RECQL4: variants seen among roughly 807,000 people sequenced by gnomAD.
RECQL4 encodes ATP-dependent DNA helicase Q4.
In RECQL4, 158 loss-of-function variants were observed where a neutral mutation model predicts 128.6. That is an observed-to-expected ratio of 1.23 (90% CI 1.08 to 1.40). The LOEUF (loss-of-function observed/expected upper bound fraction) is 1.40, where lower values mean the gene tolerates loss of function less well. Ranked by LOEUF, RECQL4 falls within the 40% of genes most tolerant of loss-of-function variation. The pLI is 0.00. For missense variants in RECQL4, 2,293 were observed against 1,649.8 expected (o/e 1.39, Z -6.75); for synonymous variants, 996 against 678.9 (o/e 1.47, Z -7.26).
chr8:144,516,186 G>T lies in RECQL4; in HGVS notation c.933C>A (p.Cys311Ter). ...EPVQAQPPQPCSSPSNPRYHG... is the reference protein window; with the variant it reads ...EPVQAQPPQP ...GGTACCTGGGGTTCGATGGGCTGCT[G>T]CAGGGCTGAGGTGGCTGTGCCTGTA... is the stretch of plus-strand genomic sequence containing the variant. The change falls in exon 5 of 21, where the codon TGC becomes TGA. Residue 311 changes from cysteine (C) to a stop codon, truncating the protein, a stop_gained. Transcript: ENST00000617875. LOFTEE classifies it high-confidence loss of function. 6.2e-7 allele frequency: 1 copy of T among 1,613,462 alleles called. No homozygotes were observed. The highest frequency in any genetic ancestry group is 1.1e-5 in the South Asian group (1 of 91,086).
chr8:144,515,100 G>C (rs1172048787), intron 8 of RECQL4, 28 bp from the exon 9 acceptor site: 4 of 1,590,364 alleles, frequency 2.5e-6, no homozygotes, highest in Non-Finnish European at 3.4e-6. Context: ...CAGCAGCAGG[G>C]TTCTGCAGCC....
intron 17 of RECQL4, 30 bp from the exon 18 acceptor site, chr8:144,512,354 G>C (rs1200498202): frequency 1.2e-6 from 2 of 1,611,030 alleles, no homozygotes; most frequent in Non-Finnish European, 8.5e-7. Flanking sequence ...ATGCAGGCAG[G>C]CAGCGTCCAG....
chr8:144,511,582 G>GAGCCCC lies in RECQL4; in HGVS notation c.3503-33_3503-28dup, dbSNP rs763836396. ...TACGGTGGAGCCAAGACACAGCCGT[G>GAGCCCC]AGCCCCAGCCCCAGCCTGCAGCGGG... On this transcript the variant is annotated intron_variant, in intron 20 of 20. Transcript: ENST00000617875. 1.9e-5 allele frequency: 30 copies of GAGCCCC among 1,609,372 alleles called. No homozygotes were observed. The Admixed American group carries it at 2.2e-4, about 12-fold the overall frequency.
chr8:144,511,946 C>T lies in RECQL4; in HGVS notation c.3358G>A (p.Glu1120Lys), dbSNP rs776023102. The T allele has an allele frequency of 6.6e-5, 106 of 1,611,410 alleles. No homozygotes were observed. Among genetic ancestry groups the T allele is most frequent in the Non-Finnish European group, 8.6e-5 (101 of 1,179,810 alleles). ...EEEGQEPGGM[E>K]DAQGPEPGQA... ...CCTGGCTCGGGGCCCTGTGCGTCCT[C>T]CATGCCTCCCGGCTCCTGCCCTTCC... The change falls in exon 19 of 21, where the codon GAG becomes AAG. Residue 1120 changes from glutamate (E) to lysine (K), a missense_variant. Physicochemically the swap from Glu to Lys is moderately conservative, Grantham distance 56. Coordinates refer to ENST00000617875, the MANE Select transcript of RECQL4 (RefSeq NM_004260.4).
At position 144,517,790 on chromosome 8, in the gene RECQL4, G is replaced by T. The variant is rs35827852; in HGVS notation, c.-6C>A. On this transcript the variant is annotated 5_prime_UTR_variant, in exon 1 of 21. Transcript: ENST00000617875. ...ACGTCCCGCAGCCGCTCCATGGCGC[G>T]CGCGCCCGCCCGGCCTCCGCGCTTG... 2.5e-6 allele frequency: 3 copies of T among 1,224,280 alleles called. 1 individual carries two copies. The highest frequency in any genetic ancestry group is 2.0e-6 in the Non-Finnish European group (2 of 978,006). 75.8% of individuals were successfully genotyped at this position (1,224,280 alleles called of 1,614,324 possible).
intron 4 of RECQL4, 88 bp downstream of exon 4, chr8:144,516,940 GGTTGGCACAGGGGCCCGTGCCT>G: frequency 1.4e-6 from 2 of 1,474,210 alleles, no homozygotes; most frequent in Non-Finnish European, 9.1e-7. Flanking sequence ...CTCGTGCCCT[GGTTGGCACAGGGGCCCGTGCCT>G]GTCTGTGTGG....
Position 144,512,338 on chromosome 8 carries a change from T to C in RECQL4, c.3056-14A>G, listed in dbSNP as rs948348185. 33 of 1,611,558 alleles carry C rather than the reference T, an allele frequency of 2.0e-5. No individual in the cohort carries two copies. The South Asian group carries it at 3.3e-4, about 16-fold the overall frequency. Reference sequence around the variant, plus strand: ...CACGCCGCACACCTGCCGGAAAGCATGTCAGATGCAGGCAGGCAGCGTCCA... The same window carrying C: ...CACGCCGCACACCTGCCGGAAAGCACGTCAGATGCAGGCAGGCAGCGTCCA... On this transcript the variant is annotated splice_polypyrimidine_tract_variant and intron_variant, in intron 17 of 20. Coordinates refer to ENST00000617875, the MANE Select transcript of RECQL4 (RefSeq NM_004260.4).
In RECQL4 at chr8:144,515,001, A is replaced by G. The variant is rs1261972799; in HGVS notation, c.1555T>C (p.Tyr519His). Residue 519 changes from tyrosine to histidine, a missense_variant, in exon 9 of 21, where the codon TAC becomes CAC. Tyr to His is a moderately conservative substitution (Grantham distance 83). Coordinates refer to ENST00000617875, the MANE Select transcript of RECQL4 (RefSeq NM_004260.4). ...GTGAGGCAGGGGCTGCGCCGGCTGT[A>G]GAGCAGCGCTGGGAGCTGGTAGCAC... ...SLCYQLPALL[Y>H]SRRSPCLTLV... is the part of the protein sequence containing the mutation. 1 of 1,611,396 alleles carries G rather than the reference A, an allele frequency of 6.2e-7. No homozygotes were observed. Among genetic ancestry groups the G allele is most frequent in the South Asian group, 1.1e-5 (1 of 90,846 alleles).
rs185203465 is a variant in RECQL4, at chr8:144,514,120, C to T, written c.1879-13G>A. The T allele has an allele frequency of 1.2e-5, 20 of 1,608,514 alleles. No homozygotes were observed. Among genetic ancestry groups the T allele is most frequent in the Admixed American group, 1.0e-4 (6 of 59,468 alleles). ...GCTCCCGAAGCACCTGCACCAGAGG[C>T]GGCAGTGGTGTGAGGCCGCCCAGCC... On this transcript the variant is annotated splice_polypyrimidine_tract_variant and intron_variant, in intron 11 of 20. Transcript: ENST00000617875.
At position 144,517,619 on chromosome 8, in the gene RECQL4, G is replaced by T; in HGVS notation, c.101C>A (p.Ala34Glu). The change falls in exon 2 of 21, where the codon GCG becomes GAG. Residue 34 changes from alanine (A) to glutamate (E), a missense_variant. By Grantham distance (107) the Ala-to-Glu change is moderately radical. Transcript: ENST00000617875. ...GCGCTCACCGCGGGTCTCCTCCGGC[G>T]CCGCCTCCACGTCGTCCTGTAAAGG... Reference protein sequence around the residue: ...RRPSQDDVEAAPEETRALYRE... With the variant: ...RRPSQDDVEAEPEETRALYRE... 2 of 1,486,500 alleles carry T rather than the reference G, an allele frequency of 1.3e-6. No individual in the cohort carries two copies. Among genetic ancestry groups the T allele is most frequent in the South Asian group, 2.5e-5 (2 of 78,754 alleles). 92.1% of individuals were successfully genotyped at this position (1,486,500 alleles called of 1,614,324 possible).
rs780582140 is a variant in RECQL4, at chr8:144,511,397, C to A, written c.*34G>T. 6.2e-6 allele frequency: 10 copies of A among 1,604,086 alleles called. No homozygotes were observed. Among genetic ancestry groups the A allele is most frequent in the African/African-American group, 2.7e-5 (2 of 74,776 alleles). ...GTCACTGCCCTAGCCTCTGACAACC[C>A]CAGCTCTACCCGACATCCCCCAATG... On this transcript the variant is annotated 3_prime_UTR_variant, in exon 21 of 21. Coordinates refer to ENST00000617875, the MANE Select transcript of RECQL4 (RefSeq NM_004260.4).
chr8:144,514,565 GC>G, intron 9 of RECQL4, 40 bp from the exon 10 acceptor site: 1 of 1,582,100 alleles, frequency 6.3e-7, no homozygotes, highest in Non-Finnish European at 8.6e-7. Flanking sequence ...CGCCAGCCCA[GC>G]CCTGGCCCTT....
chr8:144,511,444 T>G lies in RECQL4; in HGVS notation c.3614A>C (p.Gln1205Pro), dbSNP rs955049317. Residue 1205 changes from glutamine (Q) to proline (P), a missense_variant, in exon 21 of 21, where the codon CAG becomes CCG. Gln to Pro is a moderately conservative substitution (Grantham distance 76, BLOSUM62 -1). Transcript: ENST00000617875. ...AATGCAGTGCAGTCAGCGGGCCACC[T>G]GCAGGAGCTCTTCCGTGGCCAGGCC... is the stretch of plus-strand genomic sequence containing the variant. ...LVGLATEELL[Q>P]VAR 6.2e-7 allele frequency: 1 copy of G among 1,612,448 alleles called. No individual in the cohort carries two copies. The highest frequency in any genetic ancestry group is 8.5e-7 in the Non-Finnish European group (1 of 1,179,684).
Position 144,514,997 on chromosome 8 carries a change from C to T in RECQL4, c.1559G>A (p.Ser520Asn), listed in dbSNP as rs936553682. 1 of 1,611,254 alleles carries T rather than the reference C, an allele frequency of 6.2e-7. No individual in the cohort carries two copies. Among genetic ancestry groups the T allele is most frequent in the Non-Finnish European group, 8.5e-7 (1 of 1,179,430 alleles). Residue 520 changes from serine (S) to asparagine (N), a missense_variant, in exon 9 of 21, where the codon AGC (serine) becomes AAC (asparagine). By Grantham distance (46) the Ser-to-Asn change is conservative. Transcript: ENST00000617875. ...CAACGTGAGGCAGGGGCTGCGCCGG[C>T]TGTAGAGCAGCGCTGGGAGCTGGTA... Reference protein sequence around the residue: ...LCYQLPALLYSRRSPCLTLVV... With the variant: ...LCYQLPALLYNRRSPCLTLVV...
At chr8:144,514,866 C>T (rs1827920915) in intron 9 of RECQL4, 70 bp downstream of exon 9, 3 of 1,560,694 alleles carry the variant, frequency 1.9e-6, no homozygotes, top group Non-Finnish European at 2.6e-6. Context: ...GGACAAGCAG[C>T]AGTTGCCCTT....
Position 144,512,441 on chromosome 8 carries a change from A to C in RECQL4, c.3006T>G (p.Ser1002=). ...LVDSMGWELA[S]VRRALCQLQW... Reference sequence around the variant, plus strand: ...GCAGCTGGCAGAGAGCCCGCCGCACAGAGGCCAGCTCCCAGCCCATGGAGT... The same window carrying C: ...GCAGCTGGCAGAGAGCCCGCCGCACCGAGGCCAGCTCCCAGCCCATGGAGT... The change falls in exon 17 of 21, where the codon TCT becomes TCG. Residue 1002 remains serine, a synonymous_variant. Coordinates refer to ENST00000617875, the MANE Select transcript of RECQL4 (RefSeq NM_004260.4). 1 of 1,610,630 alleles carries C rather than the reference A, an allele frequency of 6.2e-7. No homozygotes were observed. Among genetic ancestry groups the C allele is most frequent in the Non-Finnish European group, 8.5e-7 (1 of 1,178,606 alleles).
rs1342565479 is a variant in RECQL4, at chr8:144,512,428, G to A, written c.3019C>T (p.Leu1007Phe). 20 of 1,608,674 alleles carry A rather than the reference G, an allele frequency of 1.2e-5. No homozygotes were observed. The highest frequency in any genetic ancestry group is 1.6e-5 in the Non-Finnish European group (19 of 1,177,310). Residue 1007 changes from leucine (L) to phenylalanine (F), a missense_variant, in exon 17 of 21, where the codon CTC becomes TTC. Leu to Phe is a conservative substitution (Grantham distance 22, BLOSUM62 0). Transcript: ENST00000617875. ...GWELASVRRA[L>F]CQLQWDHEPR... ...TCGTGGTCCCACTGCAGCTGGCAGA[G>A]AGCCCGCCGCACAGAGGCCAGCTCC...
In RECQL4 at chr8:144,513,502, G is replaced by A. The variant is rs375866599; in HGVS notation, c.2201-22C>T. Reference sequence around the variant, plus strand: ...CGACCTTTGGGGAAGACAGGCAGATGGTCAGTGGGATGGGACCATGTGTGC... The same window carrying A: ...CGACCTTTGGGGAAGACAGGCAGATAGTCAGTGGGATGGGACCATGTGTGC... On this transcript the variant is annotated intron_variant, in intron 13 of 20. Coordinates refer to ENST00000617875, the MANE Select transcript of RECQL4 (RefSeq NM_004260.4). 1,479 of 1,610,506 alleles carry A rather than the reference G, an allele frequency of 9.2e-4. 6 individuals carry two copies. The highest frequency in any genetic ancestry group is 1.1e-3 in the Non-Finnish European group (1,299 of 1,179,772).
At chr8:144,511,590 G>A (rs767603116) in intron 20 of RECQL4, 35 bp from the exon 21 acceptor site, 5 of 1,608,216 alleles carry the variant, frequency 3.1e-6, no homozygotes, top group Non-Finnish European at 2.6e-6. Flanking sequence ...GTGAGCCCCA[G>A]CCCCAGCCTG....
Sources: gnomAD v4.1 joint callset for allele counts on GRCh38, gnomAD v4.1.1 for gene constraint, MANE v1.5 for transcripts, NCBI Gene and HGNC (gene_info 2026-07-23, HGNC 2026-07-21) for gene names.